The following IGSF23 variants were observed in gnomAD, a reference collection of about 807,000 sequenced individuals.
IGSF23 encodes the protein immunoglobulin superfamily, member 23.
Under a neutral mutation model 17.8 loss-of-function variants are expected in IGSF23, and 14 were observed. The ratio of observed to expected loss-of-function variants is 0.79; its 90% confidence interval spans 0.52 to 1.23. The LOEUF (loss-of-function observed/expected upper bound fraction) is 1.23, where lower values mean the gene tolerates loss of function less well. IGSF23 is among the 50% of genes most tolerant of loss of function. The pLI, the probability that IGSF23 is intolerant of heterozygous loss-of-function variation, is 0.00. For synonymous variants in IGSF23, 85 were observed against 92.5 expected (o/e 0.92, Z 0.46); for missense variants, 214 against 241.7 (o/e 0.89, Z 0.76).
intron 1 of IGSF23, among the ~76,000 whole-genome samples, chr19:44,621,992 C>T (rs148938267): frequency 2.0e-5 from 3 of 151,858 alleles, no homozygotes; most frequent in East Asian, 3.9e-4. Context: ...GAGGCCGAGG[C>T]GGGTGGATCA....
intron 2 of IGSF23, among the ~76,000 whole-genome samples, chr19:44,626,492 G>A (rs1972650682): frequency 6.6e-6 from 1 of 152,200 alleles, no homozygotes; most frequent in Non-Finnish European, 1.5e-5. Context: ...AGTGTCCACA[G>A]ACAGTGATCA....
intron 1 of IGSF23, among the ~76,000 whole-genome samples, chr19:44,619,611 C>A (rs1972465686): frequency 6.6e-6 from 1 of 152,200 alleles, no homozygotes; most frequent in Non-Finnish European, 1.5e-5. Flanking sequence ...GGATGGATTG[C>A]AAGATGAAGC....
intron 3 of IGSF23, among the ~76,000 whole-genome samples, chr19:44,631,135 C>CTA (rs1373078227): frequency 1.3e-5 from 2 of 150,068 alleles, no homozygotes; most frequent in African/African-American, 2.5e-5. Context: ...GGCATGATAA[C>CTA]ACATGCTTGT....
intron 1 of IGSF23, among the ~76,000 whole-genome samples, chr19:44,615,998 A>C (rs1260045536): frequency 6.6e-6 from 1 of 152,220 alleles, no homozygotes; most frequent in African/African-American, 2.4e-5. Flanking sequence ...CATGTTTGCA[A>C]AGTGAGCTGG....
intron 2 of IGSF23, among the ~76,000 whole-genome samples, chr19:44,625,632 G>C (rs1360155314): frequency 6.6e-6 from 1 of 152,184 alleles, no homozygotes; most frequent in Admixed American, 6.5e-5. Flanking sequence ...CAGAACAACT[G>C]TCAGGCAGCA....
rs846856 is a variant in IGSF23, at chr19:44,623,603, T to G, written c.126-104T>G. The G allele has an allele frequency of 9.5e-4, 1,105 of 1,162,174 alleles. 10 individuals carry two copies. The African/African-American group carries it at 0.015, about 15-fold the overall frequency. 72.0% of individuals were successfully genotyped at this position (1,162,174 alleles called of 1,614,324 possible). ...ATTCATGGGTGAATTAATGAATGAA[T>G]GAACACATGAAAGAATGGATGTCTC... On this transcript the variant is annotated intron_variant, in intron 1 of 4. Coordinates refer to ENST00000402988, the MANE Select transcript of IGSF23 (RefSeq NM_001205280.2).
chr19:44,614,793 A>G (rs538261493), intron 1 of IGSF23, among the ~76,000 whole-genome samples: 1 of 152,146 alleles, frequency 6.6e-6, no homozygotes, highest in African/African-American at 2.4e-5. Flanking sequence ...ACTCTTTGAG[A>G]TCAGAGCTGT....
chr19:44,628,491 T>C (rs1972703518), intron 3 of IGSF23, among the ~76,000 whole-genome samples: 14 of 152,100 alleles, frequency 9.2e-5, no homozygotes, highest in Admixed American at 9.2e-4. Flanking sequence ...CTCACACCTG[T>C]AATCCCAGCA....
intron 3 of IGSF23, among the ~76,000 whole-genome samples, chr19:44,632,896 C>A (rs993385649): frequency 6.6e-6 from 1 of 152,192 alleles, no homozygotes; most frequent in Admixed American, 6.5e-5. Flanking sequence ...TGTATGAAAT[C>A]ATAACTGAGC....
intron 3 of IGSF23, among the ~76,000 whole-genome samples, chr19:44,633,825 G>A (rs1972823065): frequency 6.6e-6 from 1 of 152,084 alleles, no homozygotes; most frequent in Non-Finnish European, 1.5e-5. Flanking sequence ...AAATCCTCCT[G>A]TTCATTTAAT....
chr19:44,617,952 C>T, intron 1 of IGSF23: 1 of 375,972 alleles, frequency 2.7e-6, no homozygotes, highest in South Asian at 1.9e-5. Context: ...GCCTTTCAGG[C>T]AGCAGAGTGG....
chr19:44,614,784 C>T (rs978730772), intron 1 of IGSF23, among the ~76,000 whole-genome samples: 6 of 152,078 alleles, frequency 3.9e-5, no homozygotes, highest in South Asian at 2.1e-4. Context: ...CTTATCACAA[C>T]TCTTTGAGAT....
At chr19:44,633,342 C>G (rs1307379949) in intron 3 of IGSF23, among the ~76,000 whole-genome samples, 1 of 152,220 alleles carries the variant, frequency 6.6e-6, no homozygotes, top group Non-Finnish European at 1.5e-5. Flanking sequence ...TTGGCGGGAA[C>G]TTTGTCTTTC....
chr19:44,631,888 C>T (rs1051290600), intron 3 of IGSF23, among the ~76,000 whole-genome samples: 1 of 152,184 alleles, frequency 6.6e-6, no homozygotes, highest in Non-Finnish European at 1.5e-5. Context: ...CACAACCTTC[C>T]AGCGTGGGCG....
rs1972299168 is a variant in IGSF23, at chr19:44,613,607, T to G, written c.-39T>G. The G allele has an allele frequency of 6.6e-7, 1 of 1,510,212 alleles. No homozygotes were observed. Among genetic ancestry groups the G allele is most frequent in the East Asian group, 2.5e-5 (1 of 40,334 alleles). The allele number at this position is 1,510,212 out of a possible 1,614,324, so 93.6% of individuals were successfully genotyped here. ...AGTGATAGGAGCGGGCGATTCTGCTTCTCCCTCCATCTCCCGGCGGGGATT... is the reference window on the plus strand; with the variant it reads ...AGTGATAGGAGCGGGCGATTCTGCTGCTCCCTCCATCTCCCGGCGGGGATT... On this transcript the variant is annotated 5_prime_UTR_variant, in exon 1 of 5. Transcript: ENST00000402988.
chr19:44,628,285 T>C, intron 3 of IGSF23, among the ~76,000 whole-genome samples: 1 of 152,212 alleles, frequency 6.6e-6, no homozygotes, highest in Admixed American at 6.5e-5. Context: ...GTGCCTGGAA[T>C]GTGGTAAGTA....
intron 1 of IGSF23, among the ~76,000 whole-genome samples, chr19:44,614,147 C>T (rs963559589): frequency 6.6e-6 from 1 of 152,082 alleles, no homozygotes; most frequent in Non-Finnish European, 1.5e-5. Context: ...AAGGCCACTC[C>T]GCCACAAGAG....
chr19:44,631,241 T>G (rs893605603), intron 3 of IGSF23, among the ~76,000 whole-genome samples: 4 of 152,110 alleles, frequency 2.6e-5, no homozygotes, highest in Non-Finnish European at 5.9e-5. Context: ...CACTCCAGCC[T>G]GGGTGACAGA....
intron 1 of IGSF23, among the ~76,000 whole-genome samples, chr19:44,614,508 T>C (rs369538976): frequency 5.4e-4 from 82 of 152,220 alleles, no homozygotes; most frequent in Middle Eastern, 3.4e-3. Context: ...TAATGACTCA[T>C]TGCAGCTTCA....
Sources: allele counts gnomAD v4.1 joint callset (sites outside exome capture counted in the v4.1 genomes callset), GRCh38; gene constraint gnomAD v4.1.1; transcripts MANE v1.5; gene names NCBI Gene and HGNC (gene_info 2026-07-23, HGNC 2026-07-21).